The following NKAIN2 variants were observed in gnomAD, a reference collection of about 807,000 sequenced individuals.
The protein encoded by NKAIN2 is sodium/potassium-transporting ATPase subunit beta-1-interacting protein 2.
NKAIN2 carries 14 observed loss-of-function variants against 32.6 expected under a neutral mutation model. The observed-to-expected ratio is 0.43, with a 90% CI of 0.28 to 0.67. NKAIN2 has a LOEUF of 0.67. NKAIN2 is among the 30% of genes least tolerant of loss of function. The pLI, the probability that NKAIN2 is intolerant of heterozygous loss-of-function variation, is 0.17. For synonymous variants in NKAIN2, 80 were observed against 87.2 expected (o/e 0.92, Z 0.46); for missense variants, 198 against 258.3 (o/e 0.77, Z 1.60).
At chr6:124,415,625 G>A (rs989022875) in intron 3 of NKAIN2, among the ~76,000 whole-genome samples, 3 of 152,048 alleles carry the variant, frequency 2.0e-5, no homozygotes, top group Non-Finnish European at 4.4e-5. Context: ...ATGATTGGAG[G>A]GTGAGACTGA....
intron 1 of NKAIN2, among the ~76,000 whole-genome samples, chr6:124,025,049 A>G (rs1241761406): frequency 6.6e-6 from 1 of 152,112 alleles, no homozygotes; most frequent in South Asian, 2.1e-4. Flanking sequence ...CATTACTACT[A>G]TGCATGCATT....
chr6:124,250,337 A>G (rs1452368313), intron 1 of NKAIN2, among the ~76,000 whole-genome samples: 1 of 152,100 alleles, frequency 6.6e-6, no homozygotes, highest in Non-Finnish European at 1.5e-5. Flanking sequence ...CCCAATCTTA[A>G]AATCCAGTAA....
At chr6:123,851,610 G>A (rs1775351997) in intron 1 of NKAIN2, among the ~76,000 whole-genome samples, 1 of 152,020 alleles carries the variant, frequency 6.6e-6, no homozygotes, top group Non-Finnish European at 1.5e-5. Flanking sequence ...CTAATTTGCA[G>A]TACCAACAGT....
At chr6:124,265,869 A>C (rs1337810071) in intron 1 of NKAIN2, among the ~76,000 whole-genome samples, 1 of 152,230 alleles carries the variant, frequency 6.6e-6, no homozygotes, top group Admixed American at 6.5e-5. Context: ...TAGCCAGGGG[A>C]CTGGAGTCTG....
chr6:124,394,655 A>G (rs957127722), intron 3 of NKAIN2, among the ~76,000 whole-genome samples: 2 of 138,010 alleles, frequency 1.4e-5, no homozygotes, highest in African/African-American at 6.7e-5. Context: ...AAATGGCAGA[A>G]AAAAAAAAAA....
intron 1 of NKAIN2, among the ~76,000 whole-genome samples, chr6:124,152,076 T>A (rs1301516027): frequency 6.6e-6 from 1 of 152,006 alleles, no homozygotes; most frequent in African/African-American, 2.4e-5. Flanking sequence ...CCTAGAAAAC[T>A]TATTACCTTA....
intron 3 of NKAIN2, among the ~76,000 whole-genome samples, chr6:124,464,746 C>A (rs373245214): frequency 2.6e-4 from 40 of 152,108 alleles, no homozygotes; most frequent in Middle Eastern, 3.4e-3. Flanking sequence ...GGTACCAGTA[C>A]CATGCTGTTT....
intron 1 of NKAIN2, among the ~76,000 whole-genome samples, chr6:124,209,783 G>C (rs888175408): frequency 3.3e-5 from 5 of 151,570 alleles, no homozygotes; most frequent in Admixed American, 1.3e-4. Context: ...TTCAGATCTT[G>C]TATCTATTTT....
chr6:124,666,917 A>T (rs753445827), intron 4 of NKAIN2, among the ~76,000 whole-genome samples: 1 of 152,120 alleles, frequency 6.6e-6, no homozygotes, highest in South Asian at 2.1e-4. Flanking sequence ...TGCCTTGAAA[A>T]CAATAAAGGT....
chr6:124,198,492 CTCT>C (rs1790431863), intron 1 of NKAIN2, among the ~76,000 whole-genome samples: 1 of 151,316 alleles, frequency 6.6e-6, no homozygotes, highest in Admixed American at 6.6e-5. Context: ...GTGAGAGTTT[CTCT>C]TCTTCTCTAT....
intron 3 of NKAIN2, among the ~76,000 whole-genome samples, chr6:124,515,048 G>A (rs1360220428): frequency 4.6e-5 from 7 of 152,082 alleles, no homozygotes; most frequent in Admixed American, 2.6e-4. Flanking sequence ...CTAGGAAGAC[G>A]TTCTTAAAGA....
intron 5 of NKAIN2, among the ~76,000 whole-genome samples, chr6:124,805,568 T>C (rs1015040391): frequency 2.6e-5 from 4 of 151,962 alleles, no homozygotes; most frequent in Non-Finnish European, 4.4e-5. Flanking sequence ...AACTGGAAAC[T>C]CTAAAAAGCA....
At chr6:123,851,752 C>T (rs887544001) in intron 1 of NKAIN2, among the ~76,000 whole-genome samples, 12 of 152,142 alleles carry the variant, frequency 7.9e-5, no homozygotes, top group African/African-American at 2.2e-4. Flanking sequence ...TCATCTTTTG[C>T]GAAATGTCTA....
chr6:124,402,554 C>T (rs1489062805), intron 3 of NKAIN2, among the ~76,000 whole-genome samples: 1 of 152,186 alleles, frequency 6.6e-6, no homozygotes. Flanking sequence ...CATTTAGTCT[C>T]AACATATTCT....
At chr6:124,325,140 A>T (rs1434534742) in intron 2 of NKAIN2, among the ~76,000 whole-genome samples, 1 of 152,124 alleles carries the variant, frequency 6.6e-6, no homozygotes, top group Non-Finnish European at 1.5e-5. Flanking sequence ...AAATAAATTT[A>T]ATTTATTATT....
intron 1 of NKAIN2, among the ~76,000 whole-genome samples, chr6:124,165,505 A>C (rs555850908): frequency 4.0e-5 from 6 of 151,898 alleles, no homozygotes; most frequent in African/African-American, 1.4e-4. Flanking sequence ...CAGTTTATGT[A>C]TTTTTTTATT....
intron 1 of NKAIN2, among the ~76,000 whole-genome samples, chr6:124,187,956 T>C (rs996846503): frequency 1.3e-5 from 2 of 152,198 alleles, no homozygotes; most frequent in African/African-American, 4.8e-5. Context: ...ACTCTCAAAA[T>C]GAAATTGTGT....
At chr6:123,939,368 A>G (rs1776710299) in intron 1 of NKAIN2, among the ~76,000 whole-genome samples, 1 of 152,012 alleles carries the variant, frequency 6.6e-6, no homozygotes, top group Non-Finnish European at 1.5e-5. Flanking sequence ...TTGTAACACC[A>G]GTGGACCCAT....
At chr6:124,096,180 T>C (rs1470526153) in intron 1 of NKAIN2, among the ~76,000 whole-genome samples, 1 of 152,238 alleles carries the variant, frequency 6.6e-6, no homozygotes, top group East Asian at 1.9e-4. Context: ...AAGATTTTCA[T>C]TGTATTGCAT....
Sources: gnomAD v4.1 joint callset for allele counts (sites outside exome capture counted in the v4.1 genomes callset) on GRCh38, gnomAD v4.1.1 for gene constraint, MANE v1.5 for transcripts, NCBI Gene and HGNC (gene_info 2026-07-23, HGNC 2026-07-21) for gene names.